Variants in SYNE2 observed in about 807,000 individuals in gnomAD.
The protein encoded by SYNE2 is nesprin-2.
In SYNE2, 431 loss-of-function variants were observed where a neutral mutation model predicts 856.3. The ratio of observed to expected loss-of-function variants is 0.50; its 90% CI spans 0.47 to 0.55. SYNE2 has a LOEUF of 0.55. Among genes scored for constraint, SYNE2 ranks in the 20% least tolerant of loss-of-function variants. The pLI is 0.00. For missense variants in SYNE2, 8,129 were observed against 8,023.2 expected, an observed-to-expected ratio of 1.01 and a Z score of -0.50; for synonymous variants, 2,923 against 2,872.3, an observed-to-expected ratio of 1.02 and a Z score of -0.56.
At chr14:63,964,804 G>A (rs923720732) in intron 10 of SYNE2, among the ~76,000 whole-genome samples, 4 of 152,098 alleles carry the variant, frequency 2.6e-5, no homozygotes, top group Admixed American at 1.3e-4. Flanking sequence ...GATTACAGGC[G>A]TGAGCCACAG....
At position 64,003,121 on chromosome 14, in the gene SYNE2, C is replaced by T. The variant is rs2096768131; in HGVS notation, c.4188C>T (p.Asp1396=). The change falls in exon 30 of 116, where the codon GAC becomes GAT. Residue 1396 remains aspartate (D), a synonymous_variant. Coordinates refer to ENST00000555002, the MANE Select transcript of SYNE2 (RefSeq NM_182914.3). ...MSFKDAERGD[D]TSCENLLDAF... is the part of the protein sequence containing the mutation. ...TTAAAGATGCTGAACGGGGTGATGA[C>T]ACCTCCTGTGAAAACCTGCTTGATG... is the stretch of plus-strand genomic sequence containing the variant. The T allele has an allele frequency of 6.2e-7, 1 of 1,614,122 alleles. No individual in the cohort carries two copies. Among genetic ancestry groups the T allele is most frequent in the South Asian group, 1.1e-5 (1 of 91,082 alleles).
chr14:64,099,685 GTGT>G (rs1416556587), intron 63 of SYNE2: 2 of 152,108 alleles, frequency 1.3e-5, no homozygotes, highest in South Asian at 2.1e-4. Flanking sequence ...GATGTTTATA[GTGT>G]TGTTTGTCTT....
At chr14:64,071,241 T>C (rs1366242242) in intron 52 of SYNE2, among the ~76,000 whole-genome samples, 1 of 152,172 alleles carries the variant, frequency 6.6e-6, no homozygotes, top group Non-Finnish European at 1.5e-5. Flanking sequence ...ACTCCTGTAA[T>C]CCCAGCACTT....
chr14:64,163,040 AG>A (rs2098340866), intron 88 of SYNE2, among the ~76,000 whole-genome samples: 1 of 152,244 alleles, frequency 6.6e-6, no homozygotes, highest in African/African-American at 2.4e-5. Flanking sequence ...AGTCTCAGGC[AG>A]GGGTCAGAGT....
chr14:64,165,096 A>T (rs982544759), intron 89 of SYNE2, among the ~76,000 whole-genome samples, 189 bp from the exon 90 acceptor site: 6 of 152,012 alleles, frequency 3.9e-5, no homozygotes, highest in Non-Finnish European at 7.4e-5. Flanking sequence ...TATGTTGCTC[A>T]GGCTGGTCTT....
intron 48 of SYNE2, among the ~76,000 whole-genome samples, chr14:64,054,970 T>C (rs1031622595): frequency 6.6e-6 from 1 of 152,238 alleles, no homozygotes. Flanking sequence ...AATTTGAGTA[T>C]TTCTCCACTT....
rs541738833 is a variant in SYNE2 at position 64,126,855 on chromosome 14, G to A, written c.13917+48G>A. On this transcript the variant is annotated intron_variant, in intron 73 of 115. Transcript: ENST00000555002. ...TATTTTGGCACTGTTTTAAGTTACA[G>A]CATGAACCCCTAATGCCTATTCCTA... 8.9e-6 allele frequency: 14 copies of A among 1,576,436 alleles called. No homozygotes were observed. In the African/African-American group the frequency reaches 9.4e-5, roughly 11 times the overall value.
At chr14:64,118,930 A>T (rs1319708002) in intron 66 of SYNE2, among the ~76,000 whole-genome samples, 1 of 152,088 alleles carries the variant, frequency 6.6e-6, no homozygotes, top group East Asian at 1.9e-4. Context: ...TTAAGCACAG[A>T]TGTATCAAGC....
chr14:63,862,286 C>A (rs190092337), intron 1 of SYNE2, among the ~76,000 whole-genome samples: 1 of 152,302 alleles, frequency 6.6e-6, no homozygotes, highest in Admixed American at 6.5e-5. Context: ...TAAAAGTATA[C>A]TTTTTTTGTT....
intron 1 of SYNE2, among the ~76,000 whole-genome samples, chr14:63,768,836 C>T (rs1886786034): frequency 6.6e-6 from 1 of 152,026 alleles, no homozygotes. Flanking sequence ...CAGGACAAGA[C>T]TGTGATCACT....
chr14:63,838,105 G>C (rs6573532), intron 1 of SYNE2, among the ~76,000 whole-genome samples: 88,145 of 151,750 alleles, frequency 0.58, 26,133 homozygotes, highest in South Asian at 0.69. Flanking sequence ...CACAGTGGCT[G>C]ACGCCTGTAA....
At position 63,995,144 on chromosome 14, in the gene SYNE2, A is replaced by G; in HGVS notation, c.2882A>G (p.Asn961Ser). The part of the protein sequence containing the change: ...DNILKLEKQI[N>S]KEKKLIRRGR... The stretch of plus-strand genomic sequence containing the variant: ...ATTTTAAAACTTGAAAAGCAAATAA[A>G]TAAAGAAAAGAAACTTATCCGTAGA... Residue 961 changes from asparagine to serine, a missense_variant, in exon 23 of 116, where the codon AAT becomes AGT. Coordinates refer to ENST00000555002, the MANE Select transcript of SYNE2 (RefSeq NM_182914.3). The G allele has an allele frequency of 1.9e-6, 3 of 1,605,482 alleles. No individual in the cohort carries two copies. The highest frequency in any genetic ancestry group is 2.6e-6 in the Non-Finnish European group (3 of 1,176,028).
chr14:64,158,759 A>T lies in SYNE2; in HGVS notation c.15927A>T (p.Ser5309=). The change falls in exon 86 of 116, where the codon TCA becomes TCT. Residue 5309 remains serine (S), a synonymous_variant. Coordinates refer to ENST00000555002, the MANE Select transcript of SYNE2 (RefSeq NM_182914.3). ...AACACAGCAAGCCTGTGGTGTTATC[A>T]TTGGAGACCTTGAGATGCCAGGTGG... ...CMEHSKPVVL[S]LETLRCQVEN... 6.2e-7 allele frequency: 1 copy of T among 1,614,018 alleles called. No individual in the cohort carries two copies. Among genetic ancestry groups the T allele is most frequent in the Non-Finnish European group, 8.5e-7 (1 of 1,179,902 alleles).
chr14:63,771,382 T>C (rs1017833214), intron 1 of SYNE2, among the ~76,000 whole-genome samples: 3 of 152,138 alleles, frequency 2.0e-5, no homozygotes, highest in African/African-American at 7.2e-5. Context: ...TTATACACTC[T>C]TGATGTGACT....
Position 64,007,107 on chromosome 14 carries a change from C to G in SYNE2, c.4462C>G (p.Gln1488Glu). Residue 1488 changes from glutamine to glutamate, a missense_variant, in exon 31 of 116, where the codon CAA (glutamine) becomes GAA (glutamate). By Grantham distance (29) the Gln-to-Glu change is conservative (BLOSUM62 2). Transcript: ENST00000555002. The part of the protein sequence containing the change: ...DEYEEEKRHL[Q>E]EMANSLPHFK... ...ATATGAAGAAGAGAAGAGACATTTA[C>G]AAGAAATGGCTAATTCTCTTCCACA... is the stretch of plus-strand genomic sequence containing the variant. 2.5e-6 allele frequency: 4 copies of G among 1,613,270 alleles called. No individual in the cohort carries two copies. Among genetic ancestry groups the G allele is most frequent in the Non-Finnish European group, 2.5e-6 (3 of 1,179,308 alleles).
intron 21 of SYNE2, among the ~76,000 whole-genome samples, chr14:63,993,391 AAAAAC>A (rs1362762093): frequency 1.3e-5 from 2 of 152,194 alleles, no homozygotes; most frequent in African/African-American, 2.4e-5. Flanking sequence ...TCTCAAAACA[AAAAAC>A]AAAACGAAAC....
intron 52 of SYNE2, among the ~76,000 whole-genome samples, chr14:64,071,311 G>C (rs759700936): frequency 9.1e-4 from 138 of 151,894 alleles, no homozygotes; most frequent in Non-Finnish European, 2.5e-4. Context: ...TGGCTAACGT[G>C]GTGAAACCCC....
intron 10 of SYNE2, 147 bp downstream of exon 10, chr14:63,964,147 A>C (rs2096358971): frequency 1.6e-6 from 1 of 614,676 alleles, no homozygotes; most frequent in East Asian, 2.9e-5. Flanking sequence ...TGTACTTCCG[A>C]AACTTTAAGG....
At chr14:64,017,862 T>TG in intron 34 of SYNE2, 106 bp downstream of exon 34, 1 of 1,151,774 alleles carries the variant, frequency 8.7e-7, no homozygotes, top group Non-Finnish European at 1.3e-6. Context: ...GTGACTTTGT[T>TG]ATCAAGAAAA....
Sources: gnomAD v4.1 joint callset for allele counts (sites outside exome capture counted in the v4.1 genomes callset) on GRCh38, gnomAD v4.1.1 for gene constraint, MANE v1.5 for transcripts, NCBI Gene and HGNC (gene_info 2026-07-23, HGNC 2026-07-21) for gene names.